The following CX3CR1 variants were observed in gnomAD, a reference collection of about 807,000 sequenced individuals.
CX3CR1 encodes the protein C-X3-C motif chemokine receptor 1.
For missense variants in CX3CR1, 363 were observed against 432.4 expected (o/e 0.84, Z 1.42); for synonymous variants, 168 against 178.5 (o/e 0.94, Z 0.47).
In CX3CR1 at chr3:39,266,482, C is replaced by T; in HGVS notation, c.28G>A (p.Glu10Lys). Residue 10 changes from glutamate to lysine, a missense_variant, in exon 2 of 2, where the codon GAA becomes AAA. Glu to Lys is a moderately conservative substitution (Grantham distance 56, BLOSUM62 1). Coordinates refer to ENST00000399220, the MANE Select transcript of CX3CR1 (RefSeq NM_001337.4). MDQFPESVTENFEYDDLAEA... is the reference protein window; with the variant it reads MDQFPESVTKNFEYDDLAEA... Reference sequence around the variant, plus strand: ...GCCAAATCATCGTACTCAAAGTTTTCTGTCACTGATTCAGGGAACTGATCC... The same window carrying T: ...GCCAAATCATCGTACTCAAAGTTTTTTGTCACTGATTCAGGGAACTGATCC... 1 of 1,613,946 alleles carries T rather than the reference C, an allele frequency of 6.2e-7. No homozygotes were observed. Among genetic ancestry groups the T allele is most frequent in the Non-Finnish European group, 8.5e-7 (1 of 1,179,794 alleles).
intron 1 of CX3CR1, among the ~76,000 whole-genome samples, chr3:39,270,486 A>C (rs764076620): frequency 3.3e-5 from 5 of 152,242 alleles, no homozygotes; most frequent in Admixed American, 2.0e-4. Context: ...TAGCTCTTGG[A>C]AACTTGGGAA....
At chr3:39,279,297 C>T (rs1203181933) in intron 1 of CX3CR1, among the ~76,000 whole-genome samples, 1 of 151,960 alleles carries the variant, frequency 6.6e-6, no homozygotes, top group Non-Finnish European at 1.5e-5. Flanking sequence ...GAATCAACCA[C>T]AGTAATCTTT....
At chr3:39,271,734 A>G (rs2040779879) in intron 1 of CX3CR1, among the ~76,000 whole-genome samples, 1 of 152,242 alleles carries the variant, frequency 6.6e-6, no homozygotes, top group South Asian at 2.1e-4. Context: ...AGAGCATGTG[A>G]AGGCACCATT....
At chr3:39,276,156 G>A (rs1259869668) in intron 1 of CX3CR1, among the ~76,000 whole-genome samples, 1 of 152,188 alleles carries the variant, frequency 6.6e-6, no homozygotes, top group East Asian at 1.9e-4. Context: ...AGAGTGTTCA[G>A]GAAAGTCAGT....
At chr3:39,282,321 C>T (rs79226173), upstream of CX3CR1, among the ~76,000 whole-genome samples, 3,138 of 152,266 alleles carry the variant, frequency 0.021, 105 homozygotes, top group African/African-American at 0.071. Flanking sequence ...ACCCCTCCCC[C>T]GTACTCTCAC....
the CX3CR1 span, among the ~76,000 whole-genome samples, chr3:39,289,004 A>G: frequency 1.1e-4 from 16 of 152,242 alleles, no homozygotes; most frequent in South Asian, 3.3e-3. Context: ...AAGTACAAAA[A>G]TTAGCCAGGC....
chr3:39,284,922 G>A (rs768119101), upstream of CX3CR1, among the ~76,000 whole-genome samples: 6 of 152,160 alleles, frequency 3.9e-5, no homozygotes, highest in Admixed American at 2.6e-4. Context: ...CACGTTGAGG[G>A]TCAAGTGAGC....
At chr3:39,283,256 A>G (rs750824665), upstream of CX3CR1, among the ~76,000 whole-genome samples, 28 of 152,210 alleles carry the variant, frequency 1.8e-4, no homozygotes, top group South Asian at 4.1e-4. Context: ...AAGTTATGTA[A>G]CTTGTACAAG....
intron 1 of CX3CR1, among the ~76,000 whole-genome samples, chr3:39,266,928 C>T (rs974784856): frequency 2.6e-5 from 4 of 152,068 alleles, no homozygotes; most frequent in African/African-American, 9.7e-5. Flanking sequence ...GGATTATAGG[C>T]GTGCACTACC....
intron 1 of CX3CR1, among the ~76,000 whole-genome samples, chr3:39,269,364 T>G (rs2040746277): frequency 6.6e-6 from 1 of 152,138 alleles, no homozygotes; most frequent in African/African-American, 2.4e-5. Flanking sequence ...CACAGGGGCA[T>G]CTCTAATTTG....
chr3:39,284,939 A>G (rs2040934715), upstream of CX3CR1, among the ~76,000 whole-genome samples: 1 of 152,228 alleles, frequency 6.6e-6, no homozygotes, highest in East Asian at 1.9e-4. Flanking sequence ...GAGCATCCAA[A>G]GGCTGTGTTG....
chr3:39,292,622 A>G, the CX3CR1 span, among the ~76,000 whole-genome samples: 2 of 152,244 alleles, frequency 1.3e-5, no homozygotes, highest in Non-Finnish European at 2.9e-5. Flanking sequence ...ACCTGTGCTA[A>G]GTAAGTGCCT....
At chr3:39,281,941 G>A (rs1451446386), upstream of CX3CR1, among the ~76,000 whole-genome samples, 3 of 152,200 alleles carry the variant, frequency 2.0e-5, no homozygotes, top group Non-Finnish European at 2.9e-5. Context: ...TCCAGTGTCA[G>A]TTGCCTTGCC....
upstream of CX3CR1, chr3:39,281,311 C>T: frequency 7.6e-6 from 7 of 916,120 alleles, no homozygotes; most frequent in South Asian, 7.4e-5. Context: ...CTGACACTGG[C>T]CCCTCCCCAC....
chr3:39,281,473 C>T (rs36230460), upstream of CX3CR1: 1,456 of 836,164 alleles, frequency 1.7e-3, 7 homozygotes, highest in Non-Finnish European at 1.7e-3. Context: ...ACACTCTTGA[C>T]GACAGTCTCA....
chr3:39,283,827 A>T (rs1354034523), upstream of CX3CR1, among the ~76,000 whole-genome samples: 1 of 125,812 alleles, frequency 7.9e-6, no homozygotes, highest in African/African-American at 2.9e-5. Flanking sequence ...ATATATATAT[A>T]TATATATATA....
At chr3:39,276,550 G>C (rs1444666679) in intron 1 of CX3CR1, among the ~76,000 whole-genome samples, 1 of 152,216 alleles carries the variant, frequency 6.6e-6, no homozygotes, top group African/African-American at 2.4e-5. Context: ...CACCCATGCT[G>C]TTGGTTTGGC....
At chr3:39,290,063 G>A in the CX3CR1 span, among the ~76,000 whole-genome samples, 2 of 152,214 alleles carry the variant, frequency 1.3e-5, no homozygotes, top group Non-Finnish European at 2.9e-5. Flanking sequence ...AAGACCATGA[G>A]GAACATCTAG....
At chr3:39,275,552 A>G (rs1049755993) in intron 1 of CX3CR1, among the ~76,000 whole-genome samples, 10 of 152,208 alleles carry the variant, frequency 6.6e-5, no homozygotes, top group African/African-American at 2.4e-4. Flanking sequence ...GATAACATGT[A>G]TGTAACAGGT....
Sources: gnomAD v4.1 joint callset for allele counts (sites outside exome capture counted in the v4.1 genomes callset) on GRCh38, gnomAD v4.1.1 for gene constraint, MANE v1.5 for transcripts, NCBI Gene and HGNC (gene_info 2026-07-23, HGNC 2026-07-21) for gene names.